MNAT1: variants seen among roughly 807,000 people sequenced by gnomAD.
The protein encoded by MNAT1 is CDK-activating kinase assembly factor MAT1.
A neutral mutation model predicts 42.0 loss-of-function variants in MNAT1; 43 were observed. The ratio of observed to expected loss-of-function variants is 1.02; its 90% CI spans 0.80 to 1.32. MNAT1 has a LOEUF of 1.32. Among genes scored for constraint, MNAT1 ranks in the 40% most tolerant of loss-of-function variants. The pLI is 0.00. For synonymous variants in MNAT1, 118 were observed against 120.0 expected, an observed-to-expected ratio of 0.98 and a Z score of 0.11; for missense variants, 306 against 350.4, an observed-to-expected ratio of 0.87 and a Z score of 1.01.
intron 7 of MNAT1, among the ~76,000 whole-genome samples, chr14:60,951,558 T>C (rs1164182655): frequency 6.6e-6 from 1 of 152,158 alleles, no homozygotes; most frequent in East Asian, 1.9e-4. Flanking sequence ...CCAAGATTCC[T>C]GTTTGATTCT....
Position 60,758,080 on chromosome 14 carries a change from T to A in MNAT1, c.89+23129T>A, listed in dbSNP as rs565645616. Among the ~76,000 whole-genome samples the A allele has an allele frequency of 3.3e-5, 5 of 152,306 alleles. No individual in the cohort carries two copies. The South Asian group carries it at 1.0e-3, about 32-fold the overall frequency. On this transcript the variant is annotated intron_variant, in intron 1 of 7. Coordinates refer to ENST00000261245, the MANE Select transcript of MNAT1 (RefSeq NM_002431.4). ...AAATAAGAAATCTGAGGTCATACTA[T>A]ATGTACTAGGCTTATTTCTAAGCCC...
chr14:60,929,442 C>T (rs1226339601), intron 7 of MNAT1, among the ~76,000 whole-genome samples: 1 of 151,728 alleles, frequency 6.6e-6, no homozygotes, highest in Non-Finnish European at 1.5e-5. Context: ...GCCTCAGATC[C>T]ATGTTAAATT....
rs2277505 is a variant in MNAT1 at position 60,879,689 on chromosome 14, T to G, written c.688-25T>G. On this transcript the variant is annotated intron_variant, in intron 6 of 7. Coordinates refer to ENST00000261245, the MANE Select transcript of MNAT1 (RefSeq NM_002431.4). ...AATATGAAAATAATAATAAGAGGTA[T>G]TAAGTTCCTTCATTTTTCTAACAGG... is the stretch of plus-strand genomic sequence containing the variant. 9.6e-5 allele frequency: 153 copies of G among 1,595,212 alleles called. No homozygotes were observed. The East Asian group carries it at 3.3e-3, about 35-fold the overall frequency.
intron 7 of MNAT1, among the ~76,000 whole-genome samples, chr14:60,909,153 C>T (rs1312654174): frequency 6.6e-6 from 1 of 152,174 alleles, no homozygotes; most frequent in Non-Finnish European, 1.5e-5. Flanking sequence ...ATCCTTCACC[C>T]ACTTTTTGAT....
At chr14:60,945,491 A>G (rs115803993) in intron 7 of MNAT1, among the ~76,000 whole-genome samples, 1,827 of 152,306 alleles carry the variant, frequency 0.012, 25 homozygotes, top group African/African-American at 0.042. Context: ...TCAAAGTTGA[A>G]TAAATCTTTG....
intron 6 of MNAT1, among the ~76,000 whole-genome samples, chr14:60,836,444 G>A (rs935253924): frequency 1.2e-4 from 18 of 152,172 alleles, no homozygotes; most frequent in African/African-American, 4.3e-4. Context: ...TTTTGTTGAT[G>A]TTGATGCTAT....
intron 7 of MNAT1, among the ~76,000 whole-genome samples, chr14:60,925,239 AG>A (rs1160856899): frequency 1.3e-5 from 2 of 152,154 alleles, no homozygotes; most frequent in African/African-American, 2.4e-5. Context: ...CCTGGTGTCC[AG>A]GGGGGTGAAA....
At chr14:60,873,153 G>A (rs985931384) in intron 6 of MNAT1, among the ~76,000 whole-genome samples, 8 of 151,978 alleles carry the variant, frequency 5.3e-5, no homozygotes, top group African/African-American at 1.9e-4. Context: ...CTCTCACTAT[G>A]TTTATTAAAC....
rs576774822 is a variant in MNAT1 at position 60,880,141 on chromosome 14, A to C, written c.809+306A>C. The C allele has an allele frequency of 2.1e-5, 4 of 193,410 alleles. No individual in the cohort carries two copies. The South Asian group carries it at 5.0e-4, about 24-fold the overall frequency. 12.0% of individuals were successfully genotyped at this position (193,410 alleles called of 1,614,324 possible). A position where few individuals can be genotyped will look rare whatever the true frequency, so the allele number is the denominator to read the frequency against. ...TTCTTTTTTAAAGAAATTGGGGCTTAATTTAGTTAGTAGTAAGCCAATAAA... is the reference window on the plus strand; with the variant it reads ...TTCTTTTTTAAAGAAATTGGGGCTTCATTTAGTTAGTAGTAAGCCAATAAA... On this transcript the variant is annotated intron_variant, in intron 7 of 7. Transcript: ENST00000261245.
chr14:60,852,375 G>T (rs764190018), intron 6 of MNAT1, among the ~76,000 whole-genome samples: 13 of 151,624 alleles, frequency 8.6e-5, no homozygotes, highest in African/African-American at 1.9e-4. Flanking sequence ...TTTTGATGGG[G>T]TTTTTTTTGT....
At chr14:60,827,332 C>T (rs954770257) in intron 6 of MNAT1, among the ~76,000 whole-genome samples, 6 of 151,946 alleles carry the variant, frequency 3.9e-5, no homozygotes, top group Admixed American at 3.9e-4. Context: ...TATGGGTGAG[C>T]CAGAAGGGAG....
At chr14:60,895,347 C>G (rs907610575) in intron 7 of MNAT1, among the ~76,000 whole-genome samples, 16 of 152,136 alleles carry the variant, frequency 1.1e-4, no homozygotes, top group Admixed American at 9.2e-4. Flanking sequence ...TGTGAAGTGA[C>G]TTTTCAAAGA....
At chr14:60,939,018 A>G (rs965655592) in intron 7 of MNAT1, among the ~76,000 whole-genome samples, 1 of 152,176 alleles carries the variant, frequency 6.6e-6, no homozygotes, top group Non-Finnish European at 1.5e-5. Flanking sequence ...ATTTATTTGC[A>G]TAGAGGTGTT....
intron 6 of MNAT1, among the ~76,000 whole-genome samples, chr14:60,853,779 C>T (rs566315526): frequency 1.4e-4 from 22 of 152,204 alleles, no homozygotes; most frequent in African/African-American, 5.3e-4. Context: ...TTGTTGAAGG[C>T]CTTTTCTGCA....
At chr14:60,962,799 G>A (rs948997150) in intron 7 of MNAT1, among the ~76,000 whole-genome samples, 7 of 152,144 alleles carry the variant, frequency 4.6e-5, no homozygotes, top group African/African-American at 1.7e-4. Context: ...TGGTCTAAAT[G>A]TCTGGCATAA....
chr14:60,806,429 A>G (rs2032371228), intron 3 of MNAT1, among the ~76,000 whole-genome samples: 1 of 152,210 alleles, frequency 6.6e-6, no homozygotes, highest in African/African-American at 2.4e-5. Flanking sequence ...GTAGGGGCAT[A>G]CAAATGCAGA....
intron 6 of MNAT1, among the ~76,000 whole-genome samples, chr14:60,819,713 G>A (rs974017921): frequency 2.6e-5 from 4 of 152,040 alleles, no homozygotes; most frequent in African/African-American, 4.8e-5. Flanking sequence ...TCATGGTTAC[G>A]GATTTGGACT....
At chr14:60,950,498 G>A (rs1388062951) in intron 7 of MNAT1, among the ~76,000 whole-genome samples, 5 of 152,164 alleles carry the variant, frequency 3.3e-5, no homozygotes, top group South Asian at 4.1e-4. Flanking sequence ...ACTCTAGCTT[G>A]TTCAACCCAT....
chr14:60,768,700 T>C (rs2030933861), intron 1 of MNAT1, among the ~76,000 whole-genome samples: 1 of 152,226 alleles, frequency 6.6e-6, no homozygotes, highest in Non-Finnish European at 1.5e-5. Context: ...ATTGTAAATA[T>C]CCACTTTTTA....
Sources: gnomAD v4.1 joint callset for allele counts (sites outside exome capture counted in the v4.1 genomes callset) on GRCh38, gnomAD v4.1.1 for gene constraint, MANE v1.5 for transcripts, NCBI Gene and HGNC (gene_info 2026-07-23, HGNC 2026-07-21) for gene names.